The following DLGAP2 variants were observed in gnomAD, a reference collection of about 807,000 sequenced individuals.
DLGAP2 encodes the protein disks large-associated protein 2.
DLGAP2 carries 26 observed loss-of-function variants against 100.3 expected under a neutral mutation model. The ratio of observed to expected loss-of-function variants is 0.26; its 90% CI spans 0.19 to 0.36. DLGAP2 has a LOEUF of 0.36. Among genes scored for constraint, DLGAP2 ranks in the 10% least tolerant of loss-of-function variants. The pLI is 1.00. For synonymous variants in DLGAP2, 886 were observed against 630.1 expected (o/e 1.41, Z -6.08); for missense variants, 1,858 against 1,453.2 (o/e 1.28, Z -4.53).
intron 1 of DLGAP2, among the ~76,000 whole-genome samples, chr8:893,679 C>T (rs368536930): frequency 3.9e-5 from 6 of 152,326 alleles, no homozygotes; most frequent in Admixed American, 2.0e-4. Flanking sequence ...CAGCATCCAG[C>T]GGCCCTCCTG....
rs139913007 is a variant in DLGAP2 at position 807,963 on chromosome 8, G to A, written c.18+70138G>A. ...TGTGATAAGATGTGGTAGCAGTGAG[G>A]CCACTTTCTAAGCAAGTCATGCTAC... On this transcript the variant is annotated intron_variant, in intron 1 of 14. Transcript: ENST00000637795. Among the ~76,000 whole-genome samples the A allele has an allele frequency of 3.3e-3, 502 of 152,272 alleles. 4 individuals are homozygous for A. Among genetic ancestry groups the A allele is most frequent in the African/African-American group, 0.012 (480 of 41,558 alleles).
intron 2 of DLGAP2, chr8:910,601 A>C (rs1054741026): frequency 6.6e-6 from 1 of 152,170 alleles, no homozygotes; most frequent in Non-Finnish European, 1.5e-5. Flanking sequence ...ATTTCTAAGC[A>C]TTCTTCCCTT....
intron 1 of DLGAP2, among the ~76,000 whole-genome samples, chr8:880,365 A>C (rs1797764207): frequency 6.6e-6 from 1 of 152,188 alleles, no homozygotes; most frequent in Non-Finnish European, 1.5e-5. Context: ...ACCATAAATC[A>C]TTCCCCAGGA....
intron 3 of DLGAP2, among the ~76,000 whole-genome samples, chr8:1,351,507 G>A (rs1801724228): frequency 1.7e-5 from 1 of 59,288 alleles, no homozygotes; most frequent in African/African-American, 4.8e-5. Context: ...GGCTGTGCGG[G>A]TCCTGACTGT....
At position 1,701,180 on chromosome 8, in the gene DLGAP2, C is replaced by T. The variant is rs1371196596; in HGVS notation, c.2950-8C>T. On this transcript the variant is annotated splice_polypyrimidine_tract_variant and splice_region_variant and intron_variant, in intron 14 of 14. Coordinates refer to ENST00000637795, the MANE Select transcript of DLGAP2 (RefSeq NM_001346810.2). ...CACCTGCCAACGGTGACTTGCGCTG[C>T]TTTTCAGGAAGAAAGAAAGGTCCCG... 3 of 1,553,974 alleles carry T rather than the reference C, an allele frequency of 1.9e-6. No individual in the cohort carries two copies. In the Admixed American group the frequency reaches 5.9e-5, roughly 31 times the overall value.
intron 2 of DLGAP2, among the ~76,000 whole-genome samples, chr8:1,236,149 C>G (rs373913495): frequency 1.8e-5 from 2 of 110,924 alleles, no homozygotes; most frequent in Admixed American, 1.0e-4. Context: ...CTAGTTCTCT[C>G]TCACACATAG....
intron 1 of DLGAP2, among the ~76,000 whole-genome samples, chr8:815,436 C>T (rs928626491): frequency 4.6e-5 from 7 of 152,162 alleles, no homozygotes; most frequent in Non-Finnish European, 8.8e-5. Flanking sequence ...TCACAGTGGT[C>T]AGTCAGTATT....
intron 3 of DLGAP2, among the ~76,000 whole-genome samples, chr8:1,289,072 G>A (rs1800002007): frequency 6.6e-6 from 1 of 152,148 alleles, no homozygotes; most frequent in South Asian, 2.1e-4. Context: ...TATTGCTTCT[G>A]TCTGGGAACT....
intron 2 of DLGAP2, among the ~76,000 whole-genome samples, chr8:1,249,987 T>G (rs1452540175): frequency 2.0e-5 from 3 of 152,170 alleles, no homozygotes; most frequent in Non-Finnish European, 2.9e-5. Context: ...TTCAAGTGAT[T>G]GTTCTGCCTC....
intron 2 of DLGAP2, among the ~76,000 whole-genome samples, chr8:1,216,140 G>A (rs1276193882): frequency 3.9e-5 from 6 of 152,178 alleles, no homozygotes; most frequent in African/African-American, 1.4e-4. Flanking sequence ...GTCTAGACAG[G>A]GGAGTGTGTG....
At chr8:1,175,293 C>G (rs891833993) in intron 2 of DLGAP2, among the ~76,000 whole-genome samples, 1 of 151,858 alleles carries the variant, frequency 6.6e-6, no homozygotes, top group Non-Finnish European at 1.5e-5. Flanking sequence ...TAGTGCATTT[C>G]ATGGGGAAGA....
intron 2 of DLGAP2, among the ~76,000 whole-genome samples, chr8:1,111,856 G>A (rs1022868259): frequency 6.6e-6 from 1 of 152,136 alleles, no homozygotes; most frequent in Non-Finnish European, 1.5e-5. Context: ...GAATAGTGCT[G>A]CAGTGAGCAT....
intron 2 of DLGAP2, among the ~76,000 whole-genome samples, chr8:1,170,332 G>C (rs1015763188): frequency 5.9e-5 from 9 of 152,040 alleles, no homozygotes; most frequent in Admixed American, 2.0e-4. Context: ...AAGGATATTG[G>C]TCTAAAATTC....
In DLGAP2 at chr8:1,565,788, G is replaced by A. The variant is rs1435112645; in HGVS notation, c.1336G>A (p.Glu446Lys). The change falls in exon 6 of 15, where the codon GAG (glutamate) becomes AAG (lysine). Residue 446 changes from glutamate (E) to lysine (K), a missense_variant. Coordinates refer to ENST00000637795, the MANE Select transcript of DLGAP2 (RefSeq NM_001346810.2). The part of the protein sequence containing the change: ...GSYIKAMGDE[E>K]SGESDSSPKT... ...TTACATTAAAGCCATGGGGGACGAG[G>A]AGAGCGGAGAGTCAGACTCCAGCCC... 1.2e-6 allele frequency: 2 copies of A among 1,613,910 alleles called. No individual in the cohort carries two copies. Among genetic ancestry groups the A allele is most frequent in the Non-Finnish European group, 1.7e-6 (2 of 1,179,870 alleles).
In DLGAP2 at chr8:1,466,352, G is replaced by A. The variant is rs1319032010; in HGVS notation, c.107-35014G>A. Among the ~76,000 whole-genome samples, 3 of 152,156 alleles carry A rather than the reference G, an allele frequency of 2.0e-5. No homozygotes were observed. In the South Asian group the frequency reaches 6.2e-4, roughly 32 times the overall value. On this transcript the variant is annotated intron_variant, in intron 3 of 14. Transcript: ENST00000637795. ...CCAGCCGACCCTCATCCTCAGCCGT[G>A]GCTGCCGCAGGAGACATTTCCCCCC...
At chr8:1,181,210 C>G (rs1250389455) in intron 2 of DLGAP2, among the ~76,000 whole-genome samples, 1 of 146,624 alleles carries the variant, frequency 6.8e-6, no homozygotes, top group African/African-American at 2.5e-5. Flanking sequence ...AGTACACTTA[C>G]TGTCGAGTGT....
At chr8:1,024,071 T>C (rs911838067) in intron 2 of DLGAP2, among the ~76,000 whole-genome samples, 1 of 152,004 alleles carries the variant, frequency 6.6e-6, no homozygotes, top group Non-Finnish European at 1.5e-5. Context: ...TTCAGACCTC[T>C]TCCTGCAGGA....
chr8:1,189,982 A>G (rs1797598278), intron 2 of DLGAP2, among the ~76,000 whole-genome samples: 1 of 152,174 alleles, frequency 6.6e-6, no homozygotes, highest in African/African-American at 2.4e-5. Context: ...AATTCTTAAC[A>G]CCATTAAAAG....
At chr8:1,055,373 C>T (rs1802848290) in intron 2 of DLGAP2, among the ~76,000 whole-genome samples, 1 of 152,122 alleles carries the variant, frequency 6.6e-6, no homozygotes, top group Non-Finnish European at 1.5e-5. Flanking sequence ...TGGAGTCATC[C>T]GTCCCCTGTA....
Sources: allele counts gnomAD v4.1 joint callset (sites outside exome capture counted in the v4.1 genomes callset), GRCh38; gene constraint gnomAD v4.1.1; transcripts MANE v1.5; gene names NCBI Gene and HGNC (gene_info 2026-07-23, HGNC 2026-07-21).